Variants in PGD observed in about 807,000 individuals in gnomAD.
PGD encodes the protein phosphogluconate dehydrogenase, also known as 6-phosphogluconate dehydrogenase, decarboxylating.
Under a neutral mutation model 60.4 loss-of-function variants are expected in PGD, and 21 were observed. The ratio of observed to expected loss-of-function variants is 0.35; its 90% CI spans 0.25 to 0.50. PGD has a LOEUF of 0.50. PGD is among the 20% of genes least tolerant of loss of function. The probability of loss-of-function intolerance (pLI) is 0.98; values close to 1 mark genes in which losing one functional copy is unlikely to be tolerated. For missense variants in PGD, 477 were observed against 613.1 expected (o/e 0.78, Z 2.34); for synonymous variants, 230 against 235.9 (o/e 0.97, Z 0.23).
chr1:10,413,376 CTCTT>C (rs1395450060), intron 8 of PGD, 125 bp downstream of exon 8: 3 of 775,834 alleles, frequency 3.9e-6, no homozygotes, highest in Admixed American at 5.7e-5. Flanking sequence ...GTGCCTTTTG[CTCTT>C]TCTTGCGTTG....
chr1:10,411,859 C>G (rs1215417154), intron 7 of PGD, among the ~76,000 whole-genome samples: 1 of 152,228 alleles, frequency 6.6e-6, no homozygotes, highest in African/African-American at 2.4e-5. Flanking sequence ...ATGGCAGATG[C>G]AGCAGAAGCT....
At chr1:10,405,458 A>G (rs1293597869) in intron 5 of PGD, among the ~76,000 whole-genome samples, 2 of 150,254 alleles carry the variant, frequency 1.3e-5, no homozygotes, top group African/African-American at 4.9e-5. Flanking sequence ...AATCCGATAT[A>G]TATATAAATA....
At position 10,403,261 on chromosome 1, in the gene PGD, AT is replaced by A. The variant is rs2102386526; in HGVS notation, c.330+126del. 1.4e-5 allele frequency: 10 copies of A among 696,502 alleles called. No individual in the cohort carries two copies. The South Asian group carries it at 1.6e-4, about 11-fold the overall frequency. The allele number at this position is 696,502 out of a possible 1,614,324, so 43.1% of individuals were successfully genotyped here. On this transcript the variant is annotated intron_variant, in intron 4 of 12. Transcript: ENST00000270776. ...ACTGATTTTTTTGAGATTACTACTG[AT>A]ACAATAGTTCTCAGCCTTTTTTTCT...
In PGD at chr1:10,399,688, A is replaced by G. The variant is rs1261199940; in HGVS notation, c.68A>G (p.Asn23Ser). The G allele has an allele frequency of 6.2e-7, 1 of 1,614,034 alleles. No homozygotes were observed. Among genetic ancestry groups the G allele is most frequent in the East Asian group, 2.2e-5 (1 of 44,894 alleles). ...VMGQNLILNMNDHGFVVCAFN... is the reference protein window; with the variant it reads ...VMGQNLILNMSDHGFVVCAFN... The stretch of plus-strand genomic sequence containing the variant: ...GGCCAGAACTTAATTCTGAACATGA[A>G]TGACCACGGCTTTGTGGTAAGCGGC... The change falls in exon 2 of 13, where the codon AAT becomes AGT. Residue 23 changes from asparagine (N) to serine (S), a missense_variant. Coordinates refer to ENST00000270776, the MANE Select transcript of PGD (RefSeq NM_002631.4).
At chr1:10,412,554 T>C (rs1212053463) in intron 7 of PGD, among the ~76,000 whole-genome samples, 1 of 152,188 alleles carries the variant, frequency 6.6e-6, no homozygotes, top group Non-Finnish European at 1.5e-5. Context: ...TTTTTATTGG[T>C]ATATATAATA....
chr1:10,411,568 T>G lies in PGD; in HGVS notation c.654+16T>G. 1 of 1,613,732 alleles carries G rather than the reference T, an allele frequency of 6.2e-7. No individual in the cohort carries two copies. Among genetic ancestry groups the G allele is most frequent in the Non-Finnish European group, 8.5e-7 (1 of 1,179,810 alleles). The stretch of plus-strand genomic sequence containing the variant: ...GATGGCCCAGGTGAGGCCCCGGCAC[T>G]GCCTCTGTGTCCGTTCTGCAGGGAG... On this transcript the variant is annotated intron_variant, in intron 7 of 12. Transcript: ENST00000270776.
intron 6 of PGD, among the ~76,000 whole-genome samples, chr1:10,409,695 G>T (rs867125428): frequency 1.0e-5 from 1 of 97,292 alleles, no homozygotes; most frequent in Admixed American, 1.6e-4. Context: ...TTGCTTTATC[G>T]TCCAGGCTGG....
chr1:10,408,016 T>C (rs547412121), intron 5 of PGD, 55 bp from the exon 6 acceptor site: 1 of 1,008,774 alleles, frequency 9.9e-7, no homozygotes, highest in East Asian at 2.4e-5. Flanking sequence ...TCTATGGGTA[T>C]GGGCTCTCAG....
At chr1:10,401,482 C>T (rs1639315404) in intron 3 of PGD, among the ~76,000 whole-genome samples, 1 of 152,170 alleles carries the variant, frequency 6.6e-6, no homozygotes, top group Non-Finnish European at 1.5e-5. Flanking sequence ...GTCGTGTCAA[C>T]AGTGGGGTTG....
At chr1:10,405,401 T>TACACACACAC (rs57033638) in intron 5 of PGD, among the ~76,000 whole-genome samples, 2,182 of 108,446 alleles carry the variant, frequency 0.02, 38 homozygotes, top group African/African-American at 0.047. Context: ...AAACAAAAAA[T>TACACACACAC]ACACACACAC....
At chr1:10,419,174 A>ATTTT (rs36039303) in intron 11 of PGD, among the ~76,000 whole-genome samples, 1 of 138,248 alleles carries the variant, frequency 7.2e-6, no homozygotes, top group Non-Finnish European at 1.6e-5. Flanking sequence ...TACCTGGCTA[A>ATTTT]TTTTTTTTTT....
chr1:10,414,763 T>C (rs1307561996), intron 8 of PGD, among the ~76,000 whole-genome samples: 1 of 152,048 alleles, frequency 6.6e-6, no homozygotes, highest in Non-Finnish European at 1.5e-5. Context: ...AATGAGAGGC[T>C]GATCTTTGCT....
intron 6 of PGD, among the ~76,000 whole-genome samples, chr1:10,410,340 G>T (rs1639478184): frequency 6.6e-6 from 1 of 152,010 alleles, no homozygotes; most frequent in Non-Finnish European, 1.5e-5. Flanking sequence ...TCATCAGGAG[G>T]CTGAGGCGTT....
At chr1:10,418,773 CAAAAA>C (rs370777082) in intron 10 of PGD, 48 bp from the exon 11 acceptor site, 211 of 783,990 alleles carry the variant, frequency 2.7e-4, no homozygotes, top group Non-Finnish European at 2.8e-4. Context: ...GACTCCGTCT[CAAAAA>C]AAAAAAAAAA....
chr1:10,402,206 C>T (rs1054044388), intron 3 of PGD, among the ~76,000 whole-genome samples: 1 of 152,080 alleles, frequency 6.6e-6, no homozygotes, highest in African/African-American at 2.4e-5. Context: ...CCACTCTCTT[C>T]TAGACACATT....
Position 10,415,122 on chromosome 1 carries a change from A to G in PGD, c.845-1865A>G, listed in dbSNP as rs111914294. Among the ~76,000 whole-genome samples, 752 of 151,760 alleles carry G rather than the reference A, an allele frequency of 5.0e-3. 10 individuals are homozygous for G. Among genetic ancestry groups the G allele is most frequent in the African/African-American group, 0.017 (709 of 41,376 alleles). On this transcript the variant is annotated intron_variant, in intron 8 of 12. Transcript: ENST00000270776. Reference sequence around the variant, plus strand: ...AAAAAAGAAGCATCTCAAAAATAATAAAACAGAATTTTTCCTGTTTGCTCC... The same window carrying G: ...AAAAAAGAAGCATCTCAAAAATAATGAAACAGAATTTTTCCTGTTTGCTCC...
chr1:10,402,199 C>T (rs190542268), intron 3 of PGD, among the ~76,000 whole-genome samples: 1 of 152,238 alleles, frequency 6.6e-6, no homozygotes, highest in East Asian at 1.9e-4. Flanking sequence ...TGAATCCCCA[C>T]TCTCTTCTAG....
intron 3 of PGD, among the ~76,000 whole-genome samples, chr1:10,401,476 T>G (rs957798637): frequency 4.5e-4 from 68 of 152,310 alleles, no homozygotes; most frequent in African/African-American, 1.6e-3. Flanking sequence ...AGAGGAGTCG[T>G]GTCAACAGTG....
At chr1:10,418,676 G>A in intron 10 of PGD, 150 bp from the exon 11 acceptor site, 1 of 550,660 alleles carries the variant, frequency 1.8e-6, no homozygotes, top group South Asian at 2.0e-5. Context: ...TGGCGAGGCT[G>A]AGGCAGGAGA....
Sources: allele counts gnomAD v4.1 joint callset (sites outside exome capture counted in the v4.1 genomes callset), GRCh38; gene constraint gnomAD v4.1.1; transcripts MANE v1.5; gene names NCBI Gene and HGNC (gene_info 2026-07-23, HGNC 2026-07-21).